The following RPL3 variants were observed in gnomAD, a reference collection of about 807,000 sequenced individuals.
The protein encoded by RPL3 is large ribosomal subunit protein uL3.
A neutral mutation model predicts 46.0 loss-of-function variants in RPL3; 3 were observed. The ratio of observed to expected loss-of-function variants is 0.07; its 90% CI spans 0.03 to 0.17. RPL3 has a LOEUF of 0.17. RPL3 is among the 10% of genes least tolerant of loss of function. The pLI, the probability that RPL3 is intolerant of heterozygous loss-of-function variation, is 1.00. For synonymous variants in RPL3, 224 were observed against 190.8 expected, an observed-to-expected ratio of 1.17 and a Z score of -1.43; for missense variants, 387 against 532.7, an observed-to-expected ratio of 0.73 and a Z score of 2.69.
chr22:39,319,489 T>G, intron 1 of RPL3, 106 bp downstream of exon 1: 1 of 1,497,554 alleles, frequency 6.7e-7, no homozygotes. Context: ...CCCGTGCCCC[T>G]AAAGCAAACC....
intron 8 of RPL3, 77 bp downstream of exon 8, chr22:39,313,557 A>C (rs1254380389): frequency 7.0e-7 from 1 of 1,432,330 alleles, no homozygotes; most frequent in South Asian, 1.2e-5. Context: ...CTCTCCCACC[A>C]CAGGGCCACC....
intron 4 of RPL3, 76 bp downstream of exon 4, chr22:39,316,630 G>A: frequency 1.3e-6 from 2 of 1,590,116 alleles, no homozygotes; most frequent in East Asian, 2.2e-5. Context: ...TAAGCGTGCG[G>A]GCACGGGACC....
At chr22:39,316,877 G>C (rs376376122) in intron 3 of RPL3, 36 bp from the exon 4 acceptor site, 2 of 1,613,222 alleles carry the variant, frequency 1.2e-6, no homozygotes, top group African/African-American at 2.7e-5. Flanking sequence ...AGGGGACCAG[G>C]TGCAGGCCTT....
Position 39,319,533 on chromosome 22 carries a change from C to T in RPL3, c.3+62G>A, listed in dbSNP as rs1436869580. 1.9e-6 allele frequency: 3 copies of T among 1,552,588 alleles called. 1 individual carries two copies. Among genetic ancestry groups the T allele is most frequent in the East Asian group, 4.9e-5 (2 of 41,156 alleles). ...CGGCCAAGACGGGATGGCGGCGATG[C>T]GTCGCGGATTCAGCCGTGCCGACGC... On this transcript the variant is annotated intron_variant, in intron 1 of 9. Coordinates refer to ENST00000216146, the MANE Select transcript of RPL3 (RefSeq NM_000967.4).
Position 39,318,608 on chromosome 22 carries a change from A to T in RPL3, c.4-16T>A, listed in dbSNP as rs757881540. ...TTCTGTGAGACTAGGTGGGAAAAAA[A>T]TCACCGTCAGCACCCAAACCAAAGC... On this transcript the variant is annotated splice_polypyrimidine_tract_variant and intron_variant, in intron 1 of 9. Coordinates refer to ENST00000216146, the MANE Select transcript of RPL3 (RefSeq NM_000967.4). 5 of 1,593,402 alleles carry T rather than the reference A, an allele frequency of 3.1e-6. No individual in the cohort carries two copies. Among genetic ancestry groups the T allele is most frequent in the African/African-American group, 2.7e-5 (2 of 74,520 alleles).
Position 39,315,349 on chromosome 22 carries a change from C to G in RPL3, c.688+20G>C. 1.9e-6 allele frequency: 3 copies of G among 1,614,050 alleles called. No individual in the cohort carries two copies. Among genetic ancestry groups the G allele is most frequent in the Non-Finnish European group, 2.5e-6 (3 of 1,180,030 alleles). The stretch of plus-strand genomic sequence containing the variant: ...TCTCCCCCAGGTTTGCACAGCAACT[C>G]AAGCCACCGCAAAGCTCACCTTTGT... On this transcript the variant is annotated intron_variant, in intron 5 of 9. Transcript: ENST00000216146.
At position 39,313,171 on chromosome 22, in the gene RPL3, G is replaced by A. The variant is rs767378146; in HGVS notation, c.1167+20C>T. The A allele has an allele frequency of 3.1e-6, 5 of 1,606,084 alleles. No homozygotes were observed. The highest frequency in any genetic ancestry group is 4.3e-6 in the Non-Finnish European group (5 of 1,176,420). On this transcript the variant is annotated intron_variant, in intron 9 of 9. Transcript: ENST00000216146. ...CCCAAGCCACCACACCCAGCGAGGGGGGCAGGCAGAGGTGCTCACCATGAA... is the reference window on the plus strand; with the variant it reads ...CCCAAGCCACCACACCCAGCGAGGGAGGCAGGCAGAGGTGCTCACCATGAA...
At position 39,317,923 on chromosome 22, in the gene RPL3, C is replaced by T. The variant is rs943839004; in HGVS notation, c.197-294G>A. On this transcript the variant is annotated intron_variant, in intron 2 of 9. Coordinates refer to ENST00000216146, the MANE Select transcript of RPL3 (RefSeq NM_000967.4). The stretch of plus-strand genomic sequence containing the variant: ...CTATTTATCTGGAAAATTCAGTGCC[C>T]TAACAATAGCTCTGAGCTCAGAGAT... The T allele has an allele frequency of 7.0e-6, 3 of 430,506 alleles. No homozygotes were observed. In the Admixed American group the frequency reaches 1.1e-4, roughly 16 times the overall value. The allele number at this position is 430,506 out of a possible 1,614,324, so 26.7% of individuals were successfully genotyped here.
chr22:39,313,111 C>T, intron 9 of RPL3, 80 bp downstream of exon 9: 2 of 1,598,782 alleles, frequency 1.3e-6, no homozygotes, highest in African/African-American at 1.3e-5. Flanking sequence ...ATCAAGACCA[C>T]CCCTACCCCG....
At chr22:39,317,154 G>A in intron 3 of RPL3, 1 of 580,114 alleles carries the variant, frequency 1.7e-6, no homozygotes, top group Admixed American at 3.1e-5. Context: ...CAGGGCCAGA[G>A]GCCCTTGCCA....
At chr22:39,319,177 A>T (rs1922895455) in intron 1 of RPL3, 1 of 545,294 alleles carries the variant, frequency 1.8e-6, no homozygotes, top group African/African-American at 1.9e-5. Context: ...GGAGGACTCC[A>T]CAACACTCCC....
chr22:39,313,338 G>T, intron 8 of RPL3, 28 bp from the exon 9 acceptor site: 1 of 1,613,490 alleles, frequency 6.2e-7, no homozygotes, highest in South Asian at 1.1e-5. Flanking sequence ...AAGGGATTTA[G>T]GATTACGAGG....
At chr22:39,315,097 A>AT in intron 5 of RPL3, 1 of 729,506 alleles carries the variant, frequency 1.4e-6, no homozygotes, top group Non-Finnish European at 2.4e-6. Context: ...ACTGACTAAC[A>AT]TAATTCCAAG....
chr22:39,318,268 C>T, intron 2 of RPL3, 132 bp downstream of exon 2: 1 of 843,388 alleles, frequency 1.2e-6, no homozygotes, highest in Non-Finnish European at 1.9e-6. Flanking sequence ...TCTGCTGTCG[C>T]AGCAGTTCTG....
rs529055982 is a variant in RPL3, at chr22:39,313,617, G to C, written c.1047+17C>G. ...CTCTACAAGAGCCCCCCCATGACAA[G>C]TCAGGACCTGCCTCACCTTGCGGAG... On this transcript the variant is annotated intron_variant, in intron 8 of 9. Transcript: ENST00000216146. The C allele has an allele frequency of 3.1e-6, 5 of 1,611,526 alleles. No homozygotes were observed. In the African/African-American group the frequency reaches 6.7e-5, roughly 21 times the overall value.
intron 1 of RPL3, chr22:39,318,959 G>A (rs895221525): frequency 5.7e-6 from 3 of 529,110 alleles, no homozygotes; most frequent in African/African-American, 1.9e-5. Context: ...ACAAACGCTG[G>A]GTAGCAGCTA....
chr22:39,314,885 A>ACCTCCCACTGACC (rs1569159934), intron 5 of RPL3, 39 bp from the exon 6 acceptor site: 1 of 1,595,722 alleles, frequency 6.3e-7, no homozygotes, highest in East Asian at 2.2e-5. Context: ...AGCGCCCAGC[A>ACCTCCCACTGACC]CCTCCCACTG....
At position 39,313,305 on chromosome 22, in the gene RPL3, C is replaced by T. The variant is rs2146509410; in HGVS notation, c.1053G>A (p.Leu351=). ...GAGCCCGCCGCTTCGTCTGCACCAG[C>T]AAGGACTATGGGCCAAGAGGGGAAG... The part of the protein sequence containing the change: ...KKRVLTLRKS[L]LVQTKRRALE... Residue 351 remains leucine (L), a synonymous_variant, in exon 9 of 10, where the codon TTG becomes TTA. Transcript: ENST00000216146. 1.2e-6 allele frequency: 2 copies of T among 1,614,016 alleles called. No homozygotes were observed. The highest frequency in any genetic ancestry group is 1.7e-6 in the Non-Finnish European group (2 of 1,179,968).
At chr22:39,314,638 T>C (rs1358414509) in intron 6 of RPL3, 48 bp downstream of exon 6, 12 of 1,571,344 alleles carry the variant, frequency 7.6e-6, no homozygotes, top group Non-Finnish European at 1.0e-5. Context: ...CCACTCCCCA[T>C]CACGGGGGCC....
Sources: allele counts gnomAD v4.1 joint callset, GRCh38; gene constraint gnomAD v4.1.1; transcripts MANE v1.5; gene names NCBI Gene and HGNC (gene_info 2026-07-23, HGNC 2026-07-21).